AXIN1: variants seen among roughly 807,000 people sequenced by gnomAD.
AXIN1 encodes the protein axin 1.
AXIN1 carries 30 observed loss-of-function variants against 76.4 expected under a neutral mutation model. That is an observed-to-expected ratio of 0.39 (90% CI 0.29 to 0.53). The LOEUF (loss-of-function observed/expected upper bound fraction) is 0.53, where lower values mean the gene tolerates loss of function less well. Ranked by LOEUF, AXIN1 falls within the 20% of genes least tolerant of loss-of-function variation. The pLI is 0.66. For synonymous variants in AXIN1, 545 were observed against 501.4 expected (o/e 1.09, Z -1.16); for missense variants, 1,140 against 1,198.8 (o/e 0.95, Z 0.72).
intron 2 of AXIN1, among the ~76,000 whole-genome samples, chr16:341,135 G>C (rs962247584): frequency 5.3e-5 from 8 of 152,256 alleles, no homozygotes. Flanking sequence ...CGCTCTCAGC[G>C]CCTCCTCTGC....
intron 2 of AXIN1, among the ~76,000 whole-genome samples, chr16:326,911 C>T (rs1209739950): frequency 1.3e-5 from 2 of 151,714 alleles, no homozygotes; most frequent in African/African-American, 2.4e-5. Flanking sequence ...GAGGCCGAGG[C>T]GGGGGGATCA....
At chr16:325,100 A>C (rs1336528845) in intron 2 of AXIN1, among the ~76,000 whole-genome samples, 1 of 151,016 alleles carries the variant, frequency 6.6e-6, no homozygotes, top group Non-Finnish European at 1.5e-5. Flanking sequence ...CCATGGCCTC[A>C]GCCCCGCGGG....
rs770211236 is a variant in AXIN1, at chr16:289,623, C to G, written c.2295-16G>C. On this transcript the variant is annotated splice_polypyrimidine_tract_variant and intron_variant, in intron 9 of 10. Transcript: ENST00000262320. ...CGATCTTGTCCTGGGGAAAGAGATGCAGCGGTGGTACCTGGTTTTGGACTG... is the reference window on the plus strand; with the variant it reads ...CGATCTTGTCCTGGGGAAAGAGATGGAGCGGTGGTACCTGGTTTTGGACTG... The G allele has an allele frequency of 6.2e-7, 1 of 1,612,328 alleles. No individual in the cohort carries two copies. Among genetic ancestry groups the G allele is most frequent in the Non-Finnish European group, 8.5e-7 (1 of 1,179,828 alleles).
rs1299972814 is a variant in AXIN1 at position 346,882 on chromosome 16, T to C, written c.144A>G (p.Lys48=). The change falls in exon 2 of 11, where the codon AAA becomes AAG. Residue 48 remains lysine, a synonymous_variant. Transcript: ENST00000262320. ...RPASYSFCSG[K]GVGIKGETST... ...AAGTCTCACCTTTAATGCCAACACC[T>C]TTCCCGGAGCAGAAACTGTAGCTGG... The C allele has an allele frequency of 2.5e-6, 4 of 1,613,630 alleles. No individual in the cohort carries two copies. The highest frequency in any genetic ancestry group is 2.7e-5 in the African/African-American group (2 of 74,946).
At position 346,993 on chromosome 16, in the gene AXIN1, G is replaced by A. The variant is rs2054047618; in HGVS notation, c.33C>T (p.Asp11=). The stretch of plus-strand genomic sequence containing the variant: ...CATCTTCGGTGAAACTTGCTCCGAG[G>A]TCCAAGGGGAAACCCTGCTCTTGGA... MNIQEQGFPL[D]LGASFTEDAP... The change falls in exon 2 of 11, where the codon GAC becomes GAT. Residue 11 remains aspartate, a synonymous_variant. Transcript: ENST00000262320. 1 of 1,614,204 alleles carries A rather than the reference G, an allele frequency of 6.2e-7. No individual in the cohort carries two copies. The highest frequency in any genetic ancestry group is 1.1e-5 in the South Asian group (1 of 91,090).
intron 2 of AXIN1, among the ~76,000 whole-genome samples, chr16:320,143 T>C (rs1287226796): frequency 6.6e-6 from 1 of 152,136 alleles, no homozygotes; most frequent in East Asian, 1.9e-4. Context: ...TTTTCTTTTT[T>C]ATTCCCTGGA....
intron 1 of AXIN1, among the ~76,000 whole-genome samples, chr16:350,580 G>C (rs2054122829): frequency 6.6e-6 from 1 of 152,150 alleles, no homozygotes; most frequent in African/African-American, 2.4e-5. Flanking sequence ...GATTTACATG[G>C]AGGAGGCAAG....
At chr16:294,487 G>A (rs975333003) in intron 7 of AXIN1, among the ~76,000 whole-genome samples, 4 of 140,542 alleles carry the variant, frequency 2.8e-5, no homozygotes, top group East Asian at 4.3e-4. Flanking sequence ...AAAAAAAATG[G>A]CCAGGCGCGG....
At chr16:328,413 C>G (rs932776144) in intron 2 of AXIN1, among the ~76,000 whole-genome samples, 1 of 151,848 alleles carries the variant, frequency 6.6e-6, no homozygotes, top group African/African-American at 2.4e-5. Flanking sequence ...AATAATAATA[C>G]AGCCAGGTGC....
chr16:322,470 G>A (rs1597069698), intron 2 of AXIN1, among the ~76,000 whole-genome samples: 1 of 152,210 alleles, frequency 6.6e-6, no homozygotes, highest in African/African-American at 2.4e-5. Context: ...GGAGGCCTGT[G>A]CAGGAGCTGA....
chr16:309,879 G>C, intron 4 of AXIN1, 94 bp downstream of exon 4: 1 of 1,249,946 alleles, frequency 8.0e-7, no homozygotes, highest in South Asian at 1.2e-5. Flanking sequence ...TGGCTCGTGG[G>C]AGGCCAGGCA....
At chr16:297,277 T>G (rs1332838366) in intron 6 of AXIN1, 51 bp from the exon 7 acceptor site, 2 of 1,597,562 alleles carry the variant, frequency 1.3e-6, no homozygotes, top group Non-Finnish European at 1.7e-6. Context: ...GCCGAGGCTG[T>G]GCCCCTTCCT....
chr16:293,470 C>G lies in AXIN1; in HGVS notation c.2186+18G>C. 6.2e-7 allele frequency: 1 copy of G among 1,606,390 alleles called. No homozygotes were observed. Among genetic ancestry groups the G allele is most frequent in the Non-Finnish European group, 8.5e-7 (1 of 1,179,218 alleles). ...TGGTAACCCCCAAGACCCACCCCACCCCACGACGCGGCCGTACCTCTGCTT... is the reference window on the plus strand; with the variant it reads ...TGGTAACCCCCAAGACCCACCCCACGCCACGACGCGGCCGTACCTCTGCTT... On this transcript the variant is annotated intron_variant, in intron 8 of 10. Coordinates refer to ENST00000262320, the MANE Select transcript of AXIN1 (RefSeq NM_003502.4). This position sits in a 1 kb window ranked among gnomAD's most constrained non-coding sequence, Gnocchi z 4.6.
rs2141700093 is a variant in AXIN1, at chr16:346,160, C to G, written c.866G>C (p.Gly289Ala). The part of the protein sequence containing the change: ...RVSSSRRYSE[G>A]REFRYGSWRE... Reference sequence around the variant, plus strand: ...GCGTCGGACTCACCTGAACTCTCTGCCTTCGCTGTACCGTCTACTGGAGGA... The same window carrying G: ...GCGTCGGACTCACCTGAACTCTCTGGCTTCGCTGTACCGTCTACTGGAGGA... Residue 289 changes from glycine (G) to alanine (A), a missense_variant, in exon 2 of 11, where the codon GGC (glycine) becomes GCC (alanine). Gly to Ala is a moderately conservative substitution (Grantham distance 60, BLOSUM62 0). This residue lies in a region of AXIN1 where 708 missense variants were observed against 776.9 expected (regional missense o/e 0.91). Transcript: ENST00000262320. 4 of 1,613,750 alleles carry G rather than the reference C, an allele frequency of 2.5e-6. No individual in the cohort carries two copies. Among genetic ancestry groups the G allele is most frequent in the Non-Finnish European group, 3.4e-6 (4 of 1,180,036 alleles).
At chr16:326,322 C>A (rs2053577802) in intron 2 of AXIN1, among the ~76,000 whole-genome samples, 2 of 136,770 alleles carry the variant, frequency 1.5e-5, no homozygotes, top group African/African-American at 5.6e-5. Flanking sequence ...CCACTGCACT[C>A]CAGCCTGGGC....
At chr16:289,356 T>A (rs1463605047) in intron 10 of AXIN1, 84 bp downstream of exon 10, 15 of 1,563,814 alleles carry the variant, frequency 9.6e-6, no homozygotes, top group Admixed American at 1.7e-5. Flanking sequence ...TGAGCCACTG[T>A]GCCCGGCTGG....
At chr16:344,476 G>GTTT (rs1170609308) in intron 2 of AXIN1, among the ~76,000 whole-genome samples, 1 of 88,898 alleles carries the variant, frequency 1.1e-5, no homozygotes, top group Admixed American at 1.0e-4. Flanking sequence ...ATCCTTTTTT[G>GTTT]TTTTTTTTTT....
At chr16:289,820 C>T (rs535678959) in intron 9 of AXIN1, 34 of 641,496 alleles carry the variant, frequency 5.3e-5, no homozygotes, top group East Asian at 8.4e-5. Context: ...ACTGGGAGCA[C>T]GAAGGTCTCC....
rs375257150 is a variant in AXIN1 at position 332,363 on chromosome 16, A to G, written c.878+13785T>C. On this transcript the variant is annotated intron_variant, in intron 2 of 10. Transcript: ENST00000262320. The stretch of plus-strand genomic sequence containing the variant: ...GAGGCCAAGGCGGGCGGATCACGAG[A>G]TCAGGAGATGGAGACCATCCTGGCT... Among the ~76,000 whole-genome samples the G allele has an allele frequency of 1.0e-3, 159 of 152,182 alleles. 1 individual carries two copies. The highest frequency in any genetic ancestry group is 4.6e-3 in the South Asian group (22 of 4,824).
Sources: allele counts gnomAD v4.1 joint callset (sites outside exome capture counted in the v4.1 genomes callset), GRCh38; gene constraint gnomAD v4.1.1; regional missense constraint gnomAD v4.1.1; non-coding constraint Gnocchi (gnomAD v3.1); transcripts MANE v1.5; gene names NCBI Gene and HGNC (gene_info 2026-07-23, HGNC 2026-07-21).